TJP1: variants seen among roughly 807,000 people sequenced by gnomAD.
The protein encoded by TJP1 is tight junction protein ZO-1.
Under a neutral mutation model 194.2 loss-of-function variants are expected in TJP1, and 43 were observed. The ratio of observed to expected loss-of-function variants is 0.22; its 90% CI spans 0.17 to 0.29. The LOEUF is 0.29. Ranked by LOEUF, TJP1 falls within the 10% of genes least tolerant of loss-of-function variation. The pLI is 1.00. For missense variants in TJP1, 1,971 were observed against 2,185.7 expected (o/e 0.90, Z 1.96); for synonymous variants, 801 against 779.0 (o/e 1.03, Z -0.47).
intron 2 of TJP1, among the ~76,000 whole-genome samples, chr15:29,902,927 G>A (rs1051230662): frequency 6.6e-6 from 1 of 151,944 alleles, no homozygotes. Flanking sequence ...CCAGCTACTC[G>A]GGAAGCTGAG....
chr15:29,949,375 C>T (rs1388133606), intron 2 of TJP1, among the ~76,000 whole-genome samples: 1 of 147,224 alleles, frequency 6.8e-6, no homozygotes, highest in Non-Finnish European at 1.5e-5. Context: ...CCATCTTCAC[C>T]ACTGCTACCT....
Position 29,762,453 on chromosome 15 carries a change from G to A in TJP1, c.590-15C>T. 6.2e-7 allele frequency: 1 copy of A among 1,600,944 alleles called. No homozygotes were observed. Among genetic ancestry groups the A allele is most frequent in the Non-Finnish European group, 8.5e-7 (1 of 1,170,534 alleles). ...AAGACCATATTCTGAAATAATGTAA[G>A]TAAGTGTTTTTAGTATAACATCCTA... is the stretch of plus-strand genomic sequence containing the variant. On this transcript the variant is annotated splice_polypyrimidine_tract_variant and intron_variant, in intron 5 of 27. Coordinates refer to ENST00000614355, the MANE Select transcript of TJP1 (RefSeq NM_001330239.4).
At chr15:29,784,500 C>T (rs1460793042) in intron 2 of TJP1, among the ~76,000 whole-genome samples, 2 of 151,948 alleles carry the variant, frequency 1.3e-5, no homozygotes, top group Non-Finnish European at 2.9e-5. Flanking sequence ...GATGGGGTTT[C>T]GCCGTGTTGG....
At chr15:29,949,475 TCCACAA>T (rs2055485316) in intron 2 of TJP1, among the ~76,000 whole-genome samples, 2 of 31,706 alleles carry the variant, frequency 6.3e-5, no homozygotes, top group African/African-American at 3.1e-4. Context: ...CACCACCACC[TCCACAA>T]CCACCACCTC....
At chr15:29,781,582 C>G (rs962141341) in intron 2 of TJP1, among the ~76,000 whole-genome samples, 1 of 152,188 alleles carries the variant, frequency 6.6e-6, no homozygotes, top group African/African-American at 2.4e-5. Flanking sequence ...TACTAGCAAG[C>G]TGAATCCAGC....
Position 29,732,503 on chromosome 15 carries a change from A to C in TJP1, c.1947T>G (p.Ile649Met). ...TGGCAACATCAGCTATTGGTCCAAAAATGGTTACAGGCCTCAGAAATCCAG... is the reference window on the plus strand; with the variant it reads ...TGGCAACATCAGCTATTGGTCCAAACATGGTTACAGGCCTCAGAAATCCAG... ...REAGFLRPVT[I>M]FGPIADVARE... Residue 649 changes from isoleucine (I) to methionine (M), a missense_variant, in exon 15 of 28, where the codon ATT becomes ATG. Ile to Met is a conservative substitution (Grantham distance 10). This residue lies in a region of TJP1 where 402 missense variants were observed against 484.2 expected (regional missense o/e 0.83). Transcript: ENST00000614355. 6.2e-7 allele frequency: 1 copy of C among 1,614,160 alleles called. No homozygotes were observed. The highest frequency in any genetic ancestry group is 8.5e-7 in the Non-Finnish European group (1 of 1,180,022).
intron 2 of TJP1, among the ~76,000 whole-genome samples, chr15:29,859,138 T>C (rs547589870): frequency 6.6e-6 from 1 of 152,340 alleles, no homozygotes; most frequent in South Asian, 2.1e-4. Flanking sequence ...GGAAAAAGTA[T>C]GTTATTTTGT....
Position 29,727,900 on chromosome 15 carries a change from A to G in TJP1, c.2100+37T>C, listed in dbSNP as rs373464555. 26 of 1,581,020 alleles carry G rather than the reference A, an allele frequency of 1.6e-5. No individual in the cohort carries two copies. In the African/African-American group the frequency reaches 3.1e-4, roughly 19 times the overall value. The stretch of plus-strand genomic sequence containing the variant: ...AAATCCCATCCCACTCAAAACCACA[A>G]TAACATAATGAAATGGGTCAAGTTT... On this transcript the variant is annotated intron_variant, in intron 16 of 27. Transcript: ENST00000614355.
intron 2 of TJP1, among the ~76,000 whole-genome samples, chr15:29,949,757 ACCACCACTACCT>A (rs1423358586): frequency 9.2e-5 from 9 of 97,874 alleles, no homozygotes; most frequent in Non-Finnish European, 1.5e-4. Context: ...CTCCACTTTC[ACCACCACTACCT>A]CCACCACCTC....
At chr15:29,893,486 G>C (rs2053379912) in intron 2 of TJP1, among the ~76,000 whole-genome samples, 1 of 152,148 alleles carries the variant, frequency 6.6e-6, no homozygotes, top group African/African-American at 2.4e-5. Flanking sequence ...TCATGAAAGA[G>C]AGTCCATCCA....
In TJP1 at chr15:29,968,789, GC is replaced by G; in HGVS notation, c.50del (p.Gly17AlafsTer11). ...TGTCCCCGCTCCGCTCGCGGGCAGG[GC>G]CCCGCCGCCTCCGCCGCCGCCGCAG... On this transcript the variant is annotated frameshift_variant, in exon 1 of 29. Coordinates refer to the TJP1 transcript ENST00000356107. LOFTEE classifies it high-confidence loss of function. 1 of 1,208,524 alleles carries G rather than the reference GC, an allele frequency of 8.3e-7. No individual in the cohort carries two copies. 74.9% of individuals were successfully genotyped at this position (1,208,524 alleles called of 1,614,324 possible).
chr15:29,822,484 C>G (rs1456937087), upstream of TJP1: 1 of 984,834 alleles, frequency 1.0e-6, no homozygotes, highest in Admixed American at 6.2e-5. Context: ...CCTGCCGGCC[C>G]GGCCCACTGA....
chr15:29,717,815 A>G (rs1405026229), intron 22 of TJP1, among the ~76,000 whole-genome samples: 1 of 152,196 alleles, frequency 6.6e-6, no homozygotes, highest in Non-Finnish European at 1.5e-5. Flanking sequence ...CTAAAGGTAT[A>G]AAGATTTGTC....
intron 1 of TJP1, among the ~76,000 whole-genome samples, chr15:29,811,857 AAAAT>A (rs1341747701): frequency 7.3e-5 from 7 of 96,092 alleles, no homozygotes; most frequent in African/African-American, 2.3e-4. Context: ...ATCTCTGTCC[AAAAT>A]GAATGAATGA....
At chr15:29,903,286 T>G (rs1027982398) in intron 2 of TJP1, among the ~76,000 whole-genome samples, 7 of 152,262 alleles carry the variant, frequency 4.6e-5, no homozygotes, top group African/African-American at 1.7e-4. Flanking sequence ...TGCCACAAAA[T>G]TTTAGTTTTC....
chr15:29,792,520 A>G (rs2048160367), intron 2 of TJP1, among the ~76,000 whole-genome samples: 1 of 152,198 alleles, frequency 6.6e-6, no homozygotes, highest in Non-Finnish European at 1.5e-5. Context: ...TAATGTATGT[A>G]ATGTGATTCC....
chr15:29,869,230 G>T (rs1229267602), intron 2 of TJP1, among the ~76,000 whole-genome samples: 2 of 152,180 alleles, frequency 1.3e-5, no homozygotes, highest in Non-Finnish European at 2.9e-5. Context: ...TCTCAAAGGG[G>T]CATGGTCTCT....
rs746134797 is a variant in TJP1, at chr15:29,742,823, T to C, written c.1011-42A>G. On this transcript the variant is annotated intron_variant, in intron 8 of 27. Transcript: ENST00000614355. ...TAAAAAATCAAGAGCATAAGAATGATTCTGGAAAGCATCTGTAAGAGAACA... is the reference window on the plus strand; with the variant it reads ...TAAAAAATCAAGAGCATAAGAATGACTCTGGAAAGCATCTGTAAGAGAACA... 8 of 1,533,334 alleles carry C rather than the reference T, an allele frequency of 5.2e-6. No homozygotes were observed. In the East Asian group the frequency reaches 1.9e-4, roughly 36 times the overall value. 95.0% of individuals were successfully genotyped at this position (1,533,334 alleles called of 1,614,324 possible). A position where few individuals can be genotyped will look rare whatever the true frequency, so the allele number is the denominator to read the frequency against.
rs955771878 is a variant in TJP1, at chr15:29,708,397, C to T, written c.4850+162G>A. ...ATTATTTTACCAACATCTTGTACCT[C>T]CTGGAGGACCTTCTATGTAACAGCA... On this transcript the variant is annotated intron_variant, in intron 25 of 27. Transcript: ENST00000614355. Among the ~76,000 whole-genome samples the T allele has an allele frequency of 3.9e-5, 6 of 152,208 alleles. 1 individual carries two copies. Among genetic ancestry groups the T allele is most frequent in the African/African-American group, 1.4e-4 (6 of 41,522 alleles).
Sources: gnomAD v4.1 joint callset for allele counts (sites outside exome capture counted in the v4.1 genomes callset) on GRCh38, gnomAD v4.1.1 for gene constraint, gnomAD v4.1.1 regional missense constraint, MANE v1.5 for transcripts, NCBI Gene and HGNC (gene_info 2026-07-23, HGNC 2026-07-21) for gene names.